TAFA5: variants seen among roughly 807,000 people sequenced by gnomAD.
The protein encoded by TAFA5 is TAFA chemokine like family member 5, also known as chemokine-like protein TAFA-5.
TAFA5 carries 6 observed loss-of-function variants against 15.3 expected under a neutral mutation model. The observed-to-expected ratio is 0.39, with a 90% confidence interval of 0.21 to 0.77. TAFA5 has a LOEUF of 0.77. Ranked by LOEUF, TAFA5 falls within the 30% of genes least tolerant of loss-of-function variation. TAFA5 has a pLI of 0.41. For missense variants in TAFA5, 161 were observed against 193.1 expected (o/e 0.83, Z 0.98); for synonymous variants, 103 against 80.7 (o/e 1.28, Z -1.48).
chr22:48,647,554 C>T (rs1207442583), intron 2 of TAFA5, among the ~76,000 whole-genome samples: 1 of 152,124 alleles, frequency 6.6e-6, no homozygotes, highest in Non-Finnish European at 1.5e-5. Context: ...CGGGACCTCC[C>T]CAAGGCCCAG....
Position 48,533,909 on chromosome 22 carries a change from T to C in TAFA5, c.112+44205T>C, listed in dbSNP as rs746277403. 7.0e-4 allele frequency among the ~76,000 whole-genome samples: 106 copies of C among 152,206 alleles called. 3 individuals carry two copies. The highest frequency in any genetic ancestry group is 2.8e-4 in the Non-Finnish European group (19 of 68,034). ...CCATGTTTGGTGGAAAGGATGAGCC[T>C]GGCACATTGTGGAGGGCATGGGCCA... is the stretch of plus-strand genomic sequence containing the variant. On this transcript the variant is annotated intron_variant, in intron 1 of 3. Transcript: ENST00000402357.
rs543316279 is a variant in TAFA5, at chr22:48,577,379, C to T, written c.113-69218C>T. ...GGCCAGGCTCCCTTTGCAGGGCTCC[C>T]GGTGCACCCCGGGATCAGCCTGGCC... On this transcript the variant is annotated intron_variant, in intron 1 of 3. Transcript: ENST00000402357. Among the ~76,000 whole-genome samples the T allele has an allele frequency of 8.5e-5, 13 of 152,286 alleles. No homozygotes were observed. The East Asian group carries it at 1.6e-3, about 18-fold the overall frequency.
intron 2 of TAFA5, among the ~76,000 whole-genome samples, chr22:48,686,681 AGATT>A (rs772190617): frequency 2.7e-4 from 41 of 151,062 alleles, no homozygotes; most frequent in Non-Finnish European, 4.6e-4. Flanking sequence ...ATGAATGGAT[AGATT>A]GATAGAAAGT....
rs1334741828 is a variant in TAFA5 at position 48,593,855 on chromosome 22, CTG to C, written c.113-52739_113-52738del. ...TGCCCTGCTGTGGACCCCAGTGCAA[CTG>C]TGAGCATCCGAGGTGGTGAAGGGGA... is the stretch of plus-strand genomic sequence containing the variant. On this transcript the variant is annotated intron_variant, in intron 1 of 3. Transcript: ENST00000402357. 8.5e-5 allele frequency among the ~76,000 whole-genome samples: 13 copies of C among 152,316 alleles called. No individual in the cohort carries two copies. The South Asian group carries it at 1.5e-3, about 17-fold the overall frequency.
Position 48,682,709 on chromosome 22 carries a change from T to C in TAFA5, c.263-25008T>C, listed in dbSNP as rs532732249. 6.6e-5 allele frequency among the ~76,000 whole-genome samples: 10 copies of C among 152,338 alleles called. No individual in the cohort carries two copies. The East Asian group carries it at 1.7e-3, about 26-fold the overall frequency. ...CAAAAGCCTGACGGCATTTGCATAT[T>C]ACCCAGAAGCACAGTCATTGTCGCT... On this transcript the variant is annotated intron_variant, in intron 2 of 3. Transcript: ENST00000402357.
chr22:48,514,793 T>C (rs133507), intron 1 of TAFA5, among the ~76,000 whole-genome samples: 144,238 of 152,378 alleles, frequency 0.95, 68,386 homozygotes, highest in Middle Eastern at 0.99. Context: ...TCCTTTTCTA[T>C]TCATGTCTGG....
chr22:48,582,332 A>C (rs909585411), intron 1 of TAFA5, among the ~76,000 whole-genome samples: 1 of 150,504 alleles, frequency 6.6e-6, no homozygotes, highest in Non-Finnish European at 1.5e-5. Flanking sequence ...CACATACCAC[A>C]CACAAAATAC....
chr22:48,709,536 G>T (rs1369012669), intron 3 of TAFA5, among the ~76,000 whole-genome samples: 2 of 152,156 alleles, frequency 1.3e-5, no homozygotes, highest in Admixed American at 1.3e-4. Context: ...CAACATAAGC[G>T]GCCACCTCGC....
intron 1 of TAFA5, among the ~76,000 whole-genome samples, chr22:48,605,809 G>A (rs571719080): frequency 6.6e-6 from 1 of 152,282 alleles, no homozygotes; most frequent in South Asian, 2.1e-4. Flanking sequence ...CCTGTGTCTT[G>A]TCACAGCCAT....
chr22:48,518,349 G>A (rs975340198), intron 1 of TAFA5, among the ~76,000 whole-genome samples: 1 of 152,214 alleles, frequency 6.6e-6, no homozygotes, highest in Non-Finnish European at 1.5e-5. Context: ...CATTCAGAGA[G>A]CTAGAAGTCC....
chr22:48,583,552 C>A, intron 1 of TAFA5, among the ~76,000 whole-genome samples: 1 of 145,744 alleles, frequency 6.9e-6, no homozygotes, highest in East Asian at 2.1e-4. Context: ...ATACAAAATA[C>A]ACCACACACA....
intron 1 of TAFA5, among the ~76,000 whole-genome samples, chr22:48,608,408 C>T (rs183801869): frequency 2.8e-4 from 43 of 152,234 alleles, no homozygotes; most frequent in African/African-American, 9.6e-4. Context: ...TTTTCTCACT[C>T]ATGAACACGT....
chr22:48,654,373 A>G (rs1601646393), intron 2 of TAFA5, among the ~76,000 whole-genome samples: 1 of 152,160 alleles, frequency 6.6e-6, no homozygotes, highest in East Asian at 1.9e-4. Context: ...CGTGGGATGC[A>G]TCGTCCACGG....
At chr22:48,509,722 C>A (rs915054937) in intron 1 of TAFA5, among the ~76,000 whole-genome samples, 1 of 152,070 alleles carries the variant, frequency 6.6e-6, no homozygotes, top group Non-Finnish European at 1.5e-5. Context: ...GAGGCTGAGG[C>A]GGGCGGATCA....
chr22:48,566,679 G>A lies in TAFA5; in HGVS notation c.112+76975G>A, dbSNP rs116741845. Among the ~76,000 whole-genome samples the A allele has an allele frequency of 9.8e-3, 1,491 of 152,290 alleles. 16 individuals are homozygous for A. The highest frequency in any genetic ancestry group is 0.033 in the African/African-American group (1,359 of 41,550). Reference sequence around the variant, plus strand: ...TAGTTTCCTCAGCAATACGTTGGGGGGTGGGGTGGAATCTTTGCCTAAGAA... The same window carrying A: ...TAGTTTCCTCAGCAATACGTTGGGGAGTGGGGTGGAATCTTTGCCTAAGAA... On this transcript the variant is annotated intron_variant, in intron 1 of 3. Coordinates refer to ENST00000402357, the MANE Select transcript of TAFA5 (RefSeq NM_001082967.3). The surrounding 1 kb of genome is among the most constrained non-coding windows in gnomAD (Gnocchi z 4.5).
chr22:48,534,643 G>C (rs1922088304), intron 1 of TAFA5, among the ~76,000 whole-genome samples: 1 of 152,206 alleles, frequency 6.6e-6, no homozygotes, highest in Non-Finnish European at 1.5e-5. Flanking sequence ...ATCTCCTCTA[G>C]GTGCTTGCTG....
intron 2 of TAFA5, among the ~76,000 whole-genome samples, chr22:48,682,800 G>GT (rs768238826): frequency 1.6e-4 from 25 of 151,620 alleles, no homozygotes; most frequent in East Asian, 5.8e-4. Context: ...GCTTTCGTCG[G>GT]TTTTTTTTTG....
rs131959 is a variant in TAFA5 at position 48,750,116 on chromosome 22, C to T, written c.*269C>T. 2 of 514,252 alleles carry T rather than the reference C, an allele frequency of 3.9e-6. No individual in the cohort carries two copies. The highest frequency in any genetic ancestry group is 7.0e-6 in the Non-Finnish European group (2 of 286,926). 31.9% of individuals were successfully genotyped at this position (514,252 alleles called of 1,614,324 possible). A position where few individuals can be genotyped will look rare whatever the true frequency, so the allele number is the denominator to read the frequency against. On this transcript the variant is annotated 3_prime_UTR_variant, in exon 4 of 4. Coordinates refer to ENST00000402357, the MANE Select transcript of TAFA5 (RefSeq NM_001082967.3). ...CAGTCTGTGGGAGCCCGGCCGCGCC[C>T]AGCCCCCGCCGACCGTGGCGTTGGC...
intron 1 of TAFA5, chr22:48,546,737 G>A: frequency 2.6e-6 from 1 of 386,902 alleles, no homozygotes; most frequent in South Asian, 1.9e-5. Context: ...ACACTCAAAT[G>A]CCCCTCTGCA....
Sources: allele counts gnomAD v4.1 joint callset (sites outside exome capture counted in the v4.1 genomes callset), GRCh38; gene constraint gnomAD v4.1.1; non-coding constraint Gnocchi (gnomAD v3.1); transcripts MANE v1.5; gene names NCBI Gene and HGNC (gene_info 2026-07-23, HGNC 2026-07-21).